PARVB: variants seen among roughly 807,000 people sequenced by gnomAD.
The protein encoded by PARVB is beta-parvin.
In PARVB, 46 loss-of-function variants were observed where a neutral mutation model predicts 47.0. That is an observed-to-expected ratio of 0.98 (90% CI 0.77 to 1.25). PARVB has a LOEUF of 1.25. Among genes scored for constraint, PARVB ranks in the 50% most tolerant of loss-of-function variants. PARVB has a pLI of 0.00. For synonymous variants in PARVB, 196 were observed against 196.3 expected (o/e 1.00, Z 0.01); for missense variants, 473 against 471.6 (o/e 1.00, Z -0.03).
At position 44,119,818 on chromosome 22, in the gene PARVB, C is replaced by A. The variant is rs745328949; in HGVS notation, c.376+678C>A. The A allele has an allele frequency of 4.3e-5, 23 of 532,698 alleles. No individual in the cohort carries two copies. In the East Asian group the frequency reaches 1.3e-3, roughly 29 times the overall value. The allele number at this position is 532,698 out of a possible 1,614,324, so 33.0% of individuals were successfully genotyped here. A position where few individuals can be genotyped will look rare whatever the true frequency, so the allele number is the denominator to read the frequency against. ...TGTTCAGATTGCTTGTGATGAGGGC[C>A]TTCGGAGATGCCGCAGGTTCTGAGT... On this transcript the variant is annotated intron_variant, in intron 4 of 12. Coordinates refer to ENST00000338758, the MANE Select transcript of PARVB (RefSeq NM_013327.5).
At chr22:44,038,390 C>T (rs1311000468) in intron 1 of PARVB, among the ~76,000 whole-genome samples, 1 of 152,180 alleles carries the variant, frequency 6.6e-6, no homozygotes, top group Non-Finnish European at 1.5e-5. Flanking sequence ...AAGGTACTTC[C>T]CCACGCTGTG....
At chr22:44,014,884 T>C (rs2050559992) in intron 2 of PARVB, among the ~76,000 whole-genome samples, 1 of 151,644 alleles carries the variant, frequency 6.6e-6, no homozygotes, top group Non-Finnish European at 1.5e-5. Flanking sequence ...GGAATCTCAC[T>C]CTGTTGCACA....
chr22:44,122,487 C>CG (rs1569134050), intron 4 of PARVB, among the ~76,000 whole-genome samples: 23 of 64,480 alleles, frequency 3.6e-4, no homozygotes, highest in South Asian at 1.8e-3. Flanking sequence ...CCCTGTCGAT[C>CG]AAGAGAGAGA....
At chr22:44,019,555 G>A (rs549400373), upstream of PARVB, among the ~76,000 whole-genome samples, 8 of 152,310 alleles carry the variant, frequency 5.3e-5, no homozygotes, top group South Asian at 2.1e-4. Flanking sequence ...AGGTTTTGTC[G>A]CTCACGGCTC....
chr22:44,014,425 A>G (rs919996599), intron 2 of PARVB, among the ~76,000 whole-genome samples: 4 of 152,178 alleles, frequency 2.6e-5, no homozygotes, highest in African/African-American at 9.7e-5. Flanking sequence ...ATGTAATCTG[A>G]TTTTCATAAT....
chr22:44,111,897 T>TG (rs2052707160), intron 3 of PARVB: 1 of 152,032 alleles, frequency 6.6e-6, no homozygotes, highest in Non-Finnish European at 1.5e-5. Context: ...TGGCCTTACC[T>TG]GGCTGTCAAG....
At chr22:44,017,475 C>T (rs991693401) in intron 2 of PARVB, among the ~76,000 whole-genome samples, 1 of 152,102 alleles carries the variant, frequency 6.6e-6, no homozygotes, top group African/African-American at 2.4e-5. Flanking sequence ...TAACGCAAAG[C>T]CCAAGACAGT....
chr22:44,059,972 G>T (rs2051389301), intron 1 of PARVB, among the ~76,000 whole-genome samples: 1 of 152,050 alleles, frequency 6.6e-6, no homozygotes, highest in Non-Finnish European at 1.5e-5. Context: ...TATGTTGTGG[G>T]AAGGCGGAAA....
Position 44,089,255 on chromosome 22 carries a change from T to A in PARVB, c.113-4673T>A, listed in dbSNP as rs1281110356. On this transcript the variant is annotated intron_variant, in intron 1 of 12. Transcript: ENST00000338758. The surrounding 1 kb of genome is among the most constrained non-coding windows in gnomAD (Gnocchi z 4.0). ...CTCCCTCGTGGCTGGCTGCTGGGTT[T>A]CGTGTGGACAGAGACATTCATCTTA... The A allele has an allele frequency of 2.0e-5, 3 of 152,328 alleles. No individual in the cohort carries two copies. Among genetic ancestry groups the A allele is most frequent in the Non-Finnish European group, 4.4e-5 (3 of 68,134 alleles). The allele number at this position is 152,328 out of a possible 1,614,324, so 9.4% of individuals were successfully genotyped here.
chr22:44,102,029 A>G, intron 3 of PARVB, among the ~76,000 whole-genome samples: 1 of 152,166 alleles, frequency 6.6e-6, no homozygotes. Flanking sequence ...GTTTATTATG[A>G]TATTGGCTCA....
chr22:44,155,913 G>A lies in PARVB; in HGVS notation c.844-2069G>A, dbSNP rs1252743947. On this transcript the variant is annotated intron_variant, in intron 10 of 12. Transcript: ENST00000338758. This position sits in a 1 kb window ranked among gnomAD's most constrained non-coding sequence, Gnocchi z 4.8. ...CATGCCTGCAATCCTAGCACTTTGG[G>A]TGGCCGAGGTGGGTGGATCATGAGG... 6.6e-6 allele frequency among the ~76,000 whole-genome samples: 1 copy of A among 152,118 alleles called. No homozygotes were observed. Among genetic ancestry groups the A allele is most frequent in the African/African-American group, 2.4e-5 (1 of 41,418 alleles).
At chr22:44,016,074 T>A (rs1010966666) in intron 2 of PARVB, among the ~76,000 whole-genome samples, 1 of 149,356 alleles carries the variant, frequency 6.7e-6, no homozygotes, top group African/African-American at 2.5e-5. Context: ...CTCTTCTCTG[T>A]CTTTTTCTTT....
rs2051171138 is a variant in PARVB, at chr22:44,049,546, C to T, written c.112+25095C>T. Among the ~76,000 whole-genome samples the T allele has an allele frequency of 6.6e-6, 1 of 152,330 alleles. No homozygotes were observed. Among genetic ancestry groups the T allele is most frequent in the East Asian group, 1.9e-4 (1 of 5,182 alleles). On this transcript the variant is annotated intron_variant, in intron 1 of 12. Coordinates refer to ENST00000338758, the MANE Select transcript of PARVB (RefSeq NM_013327.5). This position sits in a 1 kb window ranked among gnomAD's most constrained non-coding sequence, Gnocchi z 4.0. ...GATGCACTGCGTGCAGGCTGCGGCT[C>T]GAGGTCAATCAGATTCCTCCAGCGA...
Position 44,172,933 on chromosome 22 carries a change from G to T in PARVB, c.*4255G>T. On this transcript the variant is annotated 3_prime_UTR_variant, in exon 13 of 13. Coordinates refer to ENST00000338758, the MANE Select transcript of PARVB (RefSeq NM_013327.5). The stretch of plus-strand genomic sequence containing the variant: ...TGTTATTTATTCCAATAAAGACCTC[G>T]TGAGCATGGGCCTGTCCACCGTCTT... 2 of 1,248,910 alleles carry T rather than the reference G, an allele frequency of 1.6e-6. No homozygotes were observed. Among genetic ancestry groups the T allele is most frequent in the Non-Finnish European group, 2.1e-6 (2 of 954,056 alleles). 77.4% of individuals were successfully genotyped at this position (1,248,910 alleles called of 1,614,324 possible).
chr22:44,152,619 A>G (rs1377896189), intron 10 of PARVB: 1 of 152,218 alleles, frequency 6.6e-6, no homozygotes, highest in Non-Finnish European at 1.5e-5. Context: ...CCTGGTAGGT[A>G]TGTACAACAC....
At chr22:44,060,673 C>G (rs971766995) in intron 1 of PARVB, among the ~76,000 whole-genome samples, 2 of 151,968 alleles carry the variant, frequency 1.3e-5, no homozygotes, top group Non-Finnish European at 2.9e-5. Flanking sequence ...GGAGAGGTCT[C>G]ATAGTTTGAT....
chr22:44,167,887 G>A (rs548002263), intron 12 of PARVB: 1 of 152,438 alleles, frequency 6.6e-6, no homozygotes, highest in Non-Finnish European at 1.5e-5. Flanking sequence ...CTCTGATGAG[G>A]GTGTGTGAGT....
chr22:44,017,826 C>G (rs574333549), intron 2 of PARVB, among the ~76,000 whole-genome samples: 2 of 152,264 alleles, frequency 1.3e-5, no homozygotes, highest in South Asian at 2.1e-4. Context: ...CTTGCTCTCT[C>G]CTGGTTAGAG....
chr22:44,014,431 A>G (rs2050555949), intron 2 of PARVB, among the ~76,000 whole-genome samples: 1 of 152,238 alleles, frequency 6.6e-6, no homozygotes. Context: ...TCTGATTTTC[A>G]TAATCATTCT....
Sources: gnomAD v4.1 joint callset for allele counts (sites outside exome capture counted in the v4.1 genomes callset) on GRCh38, gnomAD v4.1.1 for gene constraint, Gnocchi (gnomAD v3.1) non-coding constraint, MANE v1.5 for transcripts, NCBI Gene and HGNC (gene_info 2026-07-23, HGNC 2026-07-21) for gene names.